TNIK: variants seen among roughly 807,000 people sequenced by gnomAD.
The protein encoded by TNIK is TRAF2 and NCK interacting kinase.
A neutral mutation model predicts 191.3 loss-of-function variants in TNIK; 49 were observed. The ratio of observed to expected loss-of-function variants is 0.26; its 90% confidence interval spans 0.20 to 0.32. The LOEUF (loss-of-function observed/expected upper bound fraction) is 0.32. Ranked by LOEUF, TNIK falls within the 10% of genes least tolerant of loss-of-function variation. The pLI is 1.00. For missense variants in TNIK, 1,155 were observed against 1,702.3 expected, an observed-to-expected ratio of 0.68 and a Z score of 5.66; for synonymous variants, 594 against 600.9, an observed-to-expected ratio of 0.99 and a Z score of 0.17.
chr3:171,146,109 TTTCTC>T (rs1354203091), intron 12 of TNIK, among the ~76,000 whole-genome samples: 2 of 152,186 alleles, frequency 1.3e-5, no homozygotes, highest in Non-Finnish European at 2.9e-5. Context: ...ATCTGTCTCT[TTTCTC>T]ATGTGTCAGG....
At chr3:171,163,624 C>T (rs1221383886) in intron 10 of TNIK, among the ~76,000 whole-genome samples, 2 of 152,042 alleles carry the variant, frequency 1.3e-5, no homozygotes, top group African/African-American at 4.8e-5. Context: ...TTTAATACTC[C>T]ACCCTAAAAA....
chr3:171,432,289 T>C lies in TNIK; in HGVS notation c.57+27718A>G, dbSNP rs61343197. Among the ~76,000 whole-genome samples, 1,116 of 151,864 alleles carry C rather than the reference T, an allele frequency of 7.3e-3. 11 individuals are homozygous for C. Among genetic ancestry groups the C allele is most frequent in the African/African-American group, 0.025 (1,046 of 41,422 alleles). On this transcript the variant is annotated intron_variant, in intron 1 of 32. Coordinates refer to ENST00000436636, the MANE Select transcript of TNIK (RefSeq NM_015028.4). ...CAATTTCAAAAGACGGATACAAAAA[T>C]AAATAAGGAAAAGGTGATAGAGAGG...
At chr3:171,229,479 T>A (rs1212828411) in intron 2 of TNIK, among the ~76,000 whole-genome samples, 1 of 152,240 alleles carries the variant, frequency 6.6e-6, no homozygotes, top group Non-Finnish European at 1.5e-5. Flanking sequence ...TAGTTGAAGT[T>A]GGTGAAAATG....
chr3:171,360,815 A>C (rs1714861094), intron 2 of TNIK, among the ~76,000 whole-genome samples: 1 of 152,330 alleles, frequency 6.6e-6, no homozygotes, highest in African/African-American at 2.4e-5. Context: ...TGGTCTTCCC[A>C]CAGCCCCCAC....
chr3:171,316,602 A>G (rs1434468407), intron 2 of TNIK, among the ~76,000 whole-genome samples: 1 of 152,134 alleles, frequency 6.6e-6, no homozygotes, highest in Admixed American at 6.6e-5. Flanking sequence ...AACACTTTGG[A>G]TGAAAAGGGG....
intron 18 of TNIK, among the ~76,000 whole-genome samples, chr3:171,120,882 C>T (rs1023231782): frequency 2.6e-5 from 4 of 152,094 alleles, no homozygotes; most frequent in South Asian, 4.2e-4. Flanking sequence ...TACTAGTACC[C>T]GTAGTCCCAG....
chr3:171,110,288 A>G (rs1725648393), intron 19 of TNIK, among the ~76,000 whole-genome samples: 2 of 152,190 alleles, frequency 1.3e-5, no homozygotes, highest in Admixed American at 1.3e-4. Context: ...TCATTTTGAG[A>G]AATACATGGT....
intron 1 of TNIK, 86 bp downstream of exon 1, chr3:171,459,920 GC>G: frequency 8.6e-7 from 1 of 1,157,382 alleles, no homozygotes; most frequent in Non-Finnish European, 1.2e-6. Flanking sequence ...CTGTCCCCCT[GC>G]CCCAGCCCCA....
chr3:171,322,809 TTG>T (rs1411101291), intron 2 of TNIK, among the ~76,000 whole-genome samples: 4 of 149,268 alleles, frequency 2.7e-5, no homozygotes, highest in African/African-American at 1.0e-4. Flanking sequence ...AGTGTTTTTT[TTG>T]TTGTTGTTAT....
In TNIK at chr3:171,322,226, C is replaced by G. The variant is rs78466250; in HGVS notation, c.123+47394G>C. 2.2e-3 allele frequency among the ~76,000 whole-genome samples: 342 copies of G among 152,218 alleles called. 2 individuals carry two copies. The East Asian group carries it at 0.025, about 11-fold the overall frequency. On this transcript the variant is annotated intron_variant, in intron 2 of 32. Transcript: ENST00000436636. Reference sequence around the variant, plus strand: ...AAAAATTACAATGTCATTAAAATCACAGATTTTTTGTAGATTCACAGAAGC... The same window carrying G: ...AAAAATTACAATGTCATTAAAATCAGAGATTTTTTGTAGATTCACAGAAGC...
Position 171,066,500 on chromosome 3 carries a change from G to A in TNIK, c.3859+76C>T, listed in dbSNP as rs749502547. On this transcript the variant is annotated intron_variant, in intron 31 of 32. Transcript: ENST00000436636. ...TTTTTTTTTTTTGTGGAATCAAATG[G>A]TTGTTTCACATTTCTTGATTTTCGT... 2.0e-6 allele frequency: 3 copies of A among 1,526,036 alleles called. No individual in the cohort carries two copies. The African/African-American group carries it at 4.3e-5, about 22-fold the overall frequency. The allele number at this position is 1,526,036 out of a possible 1,614,324, so 94.5% of individuals were successfully genotyped here. A position where few individuals can be genotyped will look rare whatever the true frequency, so the allele number is the denominator to read the frequency against.
intron 2 of TNIK, among the ~76,000 whole-genome samples, chr3:171,295,844 G>C (rs1752229255): frequency 6.6e-6 from 1 of 152,124 alleles, no homozygotes; most frequent in Admixed American, 6.5e-5. Flanking sequence ...CCTCACCCAA[G>C]AGAGAGTGCC....
chr3:171,282,182 C>T (rs1057114255), intron 2 of TNIK, among the ~76,000 whole-genome samples: 2 of 151,924 alleles, frequency 1.3e-5, no homozygotes, highest in African/African-American at 4.8e-5. Context: ...TTCTTCAAGG[C>T]ATTAGTCCAA....
intron 2 of TNIK, among the ~76,000 whole-genome samples, chr3:171,276,486 A>C (rs1028584810): frequency 6.6e-6 from 1 of 152,228 alleles, no homozygotes; most frequent in Non-Finnish European, 1.5e-5. Context: ...ATAAGGGAAA[A>C]TGGCATTTGG....
chr3:171,455,753 C>T (rs1210772724), intron 1 of TNIK, among the ~76,000 whole-genome samples: 1 of 152,044 alleles, frequency 6.6e-6, no homozygotes. Context: ...AATGTCCTAC[C>T]CAAAGTCACA....
intron 18 of TNIK, among the ~76,000 whole-genome samples, chr3:171,121,304 G>A (rs1727713450): frequency 6.6e-6 from 1 of 152,186 alleles, no homozygotes; most frequent in Non-Finnish European, 1.5e-5. Flanking sequence ...GAGTAGGAGA[G>A]GTCTGTGTCA....
At chr3:171,454,796 G>A (rs1009050275) in intron 1 of TNIK, among the ~76,000 whole-genome samples, 4 of 152,110 alleles carry the variant, frequency 2.6e-5, no homozygotes, top group African/African-American at 9.7e-5. Flanking sequence ...AACTAATAAT[G>A]TTTCGAGATT....
At chr3:171,086,983 C>T (rs1721438336) in intron 24 of TNIK, among the ~76,000 whole-genome samples, 1 of 152,064 alleles carries the variant, frequency 6.6e-6, no homozygotes, top group Non-Finnish European at 1.5e-5. Context: ...AAATATAAAC[C>T]TCAACTGTTG....
At chr3:171,176,839 C>CAA (rs1269577960) in intron 8 of TNIK, among the ~76,000 whole-genome samples, 2 of 152,240 alleles carry the variant, frequency 1.3e-5, no homozygotes, top group African/African-American at 4.8e-5. Flanking sequence ...CTGAGATTCT[C>CAA]AAGACTGCTG....
Sources: allele counts gnomAD v4.1 joint callset (sites outside exome capture counted in the v4.1 genomes callset), GRCh38; gene constraint gnomAD v4.1.1; transcripts MANE v1.5; gene names NCBI Gene and HGNC (gene_info 2026-07-23, HGNC 2026-07-21).